Variants in CCDC159 observed in about 807,000 individuals in gnomAD.
CCDC159 encodes coiled-coil domain-containing protein 159.
A neutral mutation model predicts 50.9 loss-of-function variants in CCDC159; 40 were observed. The ratio of observed to expected loss-of-function variants is 0.79; its 90% confidence interval spans 0.61 to 1.02. The LOEUF (loss-of-function observed/expected upper bound fraction) is 1.02, where lower values mean the gene tolerates loss of function less well. Ranked by LOEUF, CCDC159 falls within the 50% of genes least tolerant of loss-of-function variation. The probability of loss-of-function intolerance (pLI) is 0.00; values close to 1 mark genes in which losing one functional copy is unlikely to be tolerated. For synonymous variants in CCDC159, 146 were observed against 138.9 expected, an observed-to-expected ratio of 1.05 and a Z score of -0.36; for missense variants, 356 against 371.5, an observed-to-expected ratio of 0.96 and a Z score of 0.34.
intron 4 of CCDC159, 107 bp downstream of exon 4, chr19:11,350,306 G>A (rs1967500225): frequency 1.2e-6 from 1 of 814,778 alleles, no homozygotes; most frequent in South Asian, 1.5e-5. Context: ...TTGAGGTCAG[G>A]AGTTTGAGAC....
rs201956112 is a variant in CCDC159, at chr19:11,353,497, C to G, written c.614C>G (p.Pro205Arg). The part of the protein sequence containing the change: ...KQQGHETAAC[P>R]ETEEIPQGAS... ...CAGGGTCATGAGACAGCCGCCTGTC[C>G]GGAGACTGAAGAGATACCGCAGGGA... The change falls in exon 8 of 11, where the codon CCG (proline) becomes CGG (arginine). Residue 205 changes from proline (P) to arginine (R), a missense_variant. Coordinates refer to ENST00000458408, the MANE Select transcript of CCDC159 (RefSeq NM_001080503.3). 1.9e-6 allele frequency: 3 copies of G among 1,609,280 alleles called. No homozygotes were observed. The highest frequency in any genetic ancestry group is 2.5e-6 in the Non-Finnish European group (3 of 1,177,868).
chr19:11,347,925 A>G (rs112172793), intron 1 of CCDC159, among the ~76,000 whole-genome samples: 250 of 152,274 alleles, frequency 1.6e-3, no homozygotes, highest in African/African-American at 5.7e-3. Flanking sequence ...TTCAGCTAAC[A>G]TTTATTGAAC....
In CCDC159 at chr19:11,353,603, C is replaced by T. The variant is rs746242957; in HGVS notation, c.689+31C>T. 19 of 1,607,540 alleles carry T rather than the reference C, an allele frequency of 1.2e-5. No individual in the cohort carries two copies. The Admixed American group carries it at 1.5e-4, about 13-fold the overall frequency. On this transcript the variant is annotated intron_variant, in intron 8 of 10. Transcript: ENST00000458408. ...GCCCAGCCTGCAGTCTGACCCCTGA[C>T]CCTCCTCTGAACCCGTTCCCCCAAC...
chr19:11,351,099 T>C (rs1457312654), intron 5 of CCDC159, 96 bp downstream of exon 5: 2 of 861,476 alleles, frequency 2.3e-6, no homozygotes, highest in Non-Finnish European at 3.0e-6. Flanking sequence ...GGCAGATGCC[T>C]GGGGGAGGGG....
At chr19:11,348,264 T>C (rs1348043392) in intron 1 of CCDC159, 5 of 408,950 alleles carry the variant, frequency 1.2e-5, no homozygotes, top group African/African-American at 2.1e-5. Flanking sequence ...AGCCCAAACC[T>C]TGGGGCTGGG....
Position 11,346,594 on chromosome 19 carries a change from T to G in CCDC159, c.-13T>G. On this transcript the variant is annotated 5_prime_UTR_variant, in exon 1 of 11. Coordinates refer to ENST00000458408, the MANE Select transcript of CCDC159 (RefSeq NM_001080503.3). ...TTCAGCGTCACAGCTGAGGACTGGC[T>G]TCGTGGTCCCTGATGGGAGAGCATG... 1 of 1,551,558 alleles carries G rather than the reference T, an allele frequency of 6.4e-7. No homozygotes were observed. The highest frequency in any genetic ancestry group is 8.7e-7 in the Non-Finnish European group (1 of 1,146,928).
intron 1 of CCDC159, 111 bp downstream of exon 1, chr19:11,346,738 C>G (rs2144609830): frequency 7.7e-7 from 1 of 1,295,448 alleles, no homozygotes; most frequent in South Asian, 1.3e-5. Flanking sequence ...CCGGGAGGGA[C>G]ACGGAAGCAG....
At chr19:11,353,407 C>T in intron 7 of CCDC159, 44 bp from the exon 8 acceptor site, 1 of 1,531,784 alleles carries the variant, frequency 6.5e-7, no homozygotes, top group Non-Finnish European at 8.8e-7. Flanking sequence ...GCACTATTGT[C>T]ATTATTATTA....
rs996814721 is a variant in CCDC159, at chr19:11,352,353, C to T, written c.567+220C>T. The stretch of plus-strand genomic sequence containing the variant: ...CATCTTGGCTGGGCGCGGTGGCTCA[C>T]GCCTGTAATCCCAGCACTTTGGGAG... On this transcript the variant is annotated intron_variant, in intron 7 of 10. Transcript: ENST00000458408. 4.2e-5 allele frequency: 23 copies of T among 544,050 alleles called. 2 individuals carry two copies. The Admixed American group carries it at 5.9e-4, about 14-fold the overall frequency. The allele number at this position is 544,050 out of a possible 1,614,324, so 33.7% of individuals were successfully genotyped here. A position where few individuals can be genotyped will look rare whatever the true frequency, so the allele number is the denominator to read the frequency against.
rs1026254354 is a variant in CCDC159 at position 11,353,772 on chromosome 19, A to G, written c.690-20A>G. 1.4e-5 allele frequency: 22 copies of G among 1,583,540 alleles called. No homozygotes were observed. Among genetic ancestry groups the G allele is most frequent in the Non-Finnish European group, 1.8e-5 (21 of 1,164,968 alleles). On this transcript the variant is annotated intron_variant, in intron 8 of 10. Coordinates refer to ENST00000458408, the MANE Select transcript of CCDC159 (RefSeq NM_001080503.3). ...CAGTGTGGAGTCTCCCAGCGCCCCC[A>G]GCTCCTTGTCTTCTTGCAGGTCTGC...
At chr19:11,351,688 AG>A in intron 5 of CCDC159, 1 of 458,652 alleles carries the variant, frequency 2.2e-6, no homozygotes, top group Non-Finnish European at 3.9e-6. Flanking sequence ...AGGTGATAGG[AG>A]GCTGAGTGGG....
rs371015598 is a variant in CCDC159, at chr19:11,354,829, C to A, written c.890-44C>A. On this transcript the variant is annotated intron_variant, in intron 10 of 10. Transcript: ENST00000458408. ...GGTCCCTGACCTGCAGCCCCGGAGT[C>A]CCCTGGACCTGGCCAGGCCCTGACC... 14 of 1,612,766 alleles carry A rather than the reference C, an allele frequency of 8.7e-6. No individual in the cohort carries two copies. In the South Asian group the frequency reaches 1.5e-4, roughly 18 times the overall value.
In CCDC159 at chr19:11,354,602, G is replaced by C; in HGVS notation, c.795G>C (p.Leu265=). ...SLRGHKGHQC[L]SPPLPSWDSD... is the part of the protein sequence containing the mutation. ...CAGGCCACAAGGGGCACCAGTGCCT[G>C]AGCCCTCCACTCCCCTCCTGGGACT... Residue 265 remains leucine, a synonymous_variant, in exon 10 of 11, where the codon CTG becomes CTC. Transcript: ENST00000458408. 2.5e-6 allele frequency: 4 copies of C among 1,579,486 alleles called. No individual in the cohort carries two copies. In the South Asian group the frequency reaches 3.4e-5, roughly 13 times the overall value.
intron 9 of CCDC159, among the ~76,000 whole-genome samples, chr19:11,354,339 A>G (rs1033945387): frequency 6.6e-6 from 1 of 152,088 alleles, no homozygotes; most frequent in Non-Finnish European, 1.5e-5. Context: ...GCAGTGAGCC[A>G]TAATCGTGCC....
chr19:11,349,819 C>G, intron 2 of CCDC159, 119 bp from the exon 3 acceptor site: 2 of 1,201,940 alleles, frequency 1.7e-6, no homozygotes, highest in Middle Eastern at 2.0e-4. Flanking sequence ...GAGTGGGCCC[C>G]TGTTCTATAT....
Position 11,350,873 on chromosome 19 carries a change from C to G in CCDC159, c.292C>G (p.Arg98Gly), listed in dbSNP as rs557635896. Residue 98 changes from arginine to glycine, a missense_variant, in exon 5 of 11, where the codon CGG (arginine) becomes GGG (glycine). Physicochemically the swap from Arg to Gly is moderately radical, Grantham distance 125. Coordinates refer to ENST00000458408, the MANE Select transcript of CCDC159 (RefSeq NM_001080503.3). The part of the protein sequence containing the change: ...EEHKWGMEQG[R>G]QELYGALTQG... ...GCACAAGTGGGGCATGGAGCAGGGCCGGCAGGAGCTGTATGGGGCCCTGAC... is the reference window on the plus strand; with the variant it reads ...GCACAAGTGGGGCATGGAGCAGGGCGGGCAGGAGCTGTATGGGGCCCTGAC... The G allele has an allele frequency of 1.3e-6, 2 of 1,551,812 alleles. No homozygotes were observed. The highest frequency in any genetic ancestry group is 1.2e-5 in the South Asian group (1 of 84,056).
chr19:11,347,315 T>C (rs949038561), intron 1 of CCDC159, among the ~76,000 whole-genome samples: 4 of 152,130 alleles, frequency 2.6e-5, no homozygotes, highest in East Asian at 1.9e-4. Flanking sequence ...ACTGAAGATA[T>C]GCTGAATAGT....
intron 7 of CCDC159, among the ~76,000 whole-genome samples, chr19:11,353,158 T>G (rs1446055511): frequency 6.6e-6 from 1 of 152,122 alleles, no homozygotes; most frequent in African/African-American, 2.4e-5. Context: ...TGGAGTGCAA[T>G]GGCGCGATCT....
chr19:11,348,248 C>G (rs1410031509), intron 1 of CCDC159: 1 of 425,952 alleles, frequency 2.3e-6, no homozygotes, highest in Non-Finnish European at 4.6e-6. Context: ...GTCCTTCTCA[C>G]TGCCCAGCCC....
Sources: gnomAD v4.1 joint callset for allele counts (sites outside exome capture counted in the v4.1 genomes callset) on GRCh38, gnomAD v4.1.1 for gene constraint, MANE v1.5 for transcripts, NCBI Gene and HGNC (gene_info 2026-07-23, HGNC 2026-07-21) for gene names.